The following GRIK4 variants were observed in gnomAD, a reference collection of about 807,000 sequenced individuals.
GRIK4 encodes glutamate receptor ionotropic, kainate 4.
GRIK4 carries 40 observed loss-of-function variants against 104.9 expected under a neutral mutation model. The ratio of observed to expected loss-of-function variants is 0.38; its 90% CI spans 0.30 to 0.50. The LOEUF is 0.50. Among genes scored for constraint, GRIK4 ranks in the 20% least tolerant of loss-of-function variants. GRIK4 has a pLI of 0.93. For missense variants in GRIK4, 1,047 were observed against 1,308.1 expected, an observed-to-expected ratio of 0.80 and a Z score of 3.08; for synonymous variants, 485 against 524.9, an observed-to-expected ratio of 0.92 and a Z score of 1.04.
chr11:120,705,004 T>C (rs1458592750), intron 3 of GRIK4, among the ~76,000 whole-genome samples: 1 of 152,358 alleles, frequency 6.6e-6, no homozygotes, highest in South Asian at 2.1e-4. Context: ...TAATTGGCCA[T>C]AGATGTTTCA....
intron 13 of GRIK4, among the ~76,000 whole-genome samples, chr11:120,922,751 C>T (rs1591287484): frequency 1.3e-5 from 2 of 152,206 alleles, no homozygotes; most frequent in Admixed American, 1.3e-4. Flanking sequence ...GTGTCGGCAG[C>T]TACAGAGGCA....
intron 1 of GRIK4, among the ~76,000 whole-genome samples, chr11:120,532,124 T>C (rs1446230061): frequency 6.6e-6 from 1 of 152,206 alleles, no homozygotes; most frequent in Non-Finnish European, 1.5e-5. Flanking sequence ...CGGGTACCTG[T>C]GGCCACTCAG....
Position 120,952,259 on chromosome 11 carries a change from G to T in GRIK4, c.1591-596G>T, listed in dbSNP as rs947115593. Among the ~76,000 whole-genome samples, 1 of 152,090 alleles carries T rather than the reference G, an allele frequency of 6.6e-6. No individual in the cohort carries two copies. Among genetic ancestry groups the T allele is most frequent in the South Asian group, 2.1e-4 (1 of 4,820 alleles). ...TTTGGGTCCCGGCTCTTCCATTTAC[G>T]CACTGTGGAACCTCGGGCACATCTC... On this transcript the variant is annotated intron_variant, in intron 14 of 20. Coordinates refer to ENST00000527524, the MANE Select transcript of GRIK4 (RefSeq NM_014619.5). This position sits in a 1 kb window ranked among gnomAD's most constrained non-coding sequence, Gnocchi z 5.2.
In GRIK4 at chr11:120,807,309, CT is replaced by C. The variant is rs1474466020; in HGVS notation, c.247+4453del. Among the ~76,000 whole-genome samples the C allele has an allele frequency of 2.3e-3, 352 of 152,292 alleles. 2 individuals are homozygous for C. Among genetic ancestry groups the C allele is most frequent in the African/African-American group, 8.2e-3 (341 of 41,552 alleles). ...CACCACCCTTTACCATTCAAACAACCTGAGGCTCCGTCCCAGCTTGAGGTTT... is the reference window on the plus strand; with the variant it reads ...CACCACCCTTTACCATTCAAACAACCGAGGCTCCGTCCCAGCTTGAGGTTT... On this transcript the variant is annotated intron_variant, in intron 4 of 20. Transcript: ENST00000527524.
At chr11:120,601,613 G>T (rs988443632) in intron 1 of GRIK4, among the ~76,000 whole-genome samples, 2 of 140,880 alleles carry the variant, frequency 1.4e-5, no homozygotes, top group Non-Finnish European at 3.1e-5. Context: ...TAATTGACTG[G>T]TTTTTTTTTG....
In GRIK4 at chr11:120,986,076, G is replaced by A; in HGVS notation, c.2687G>A (p.Gly896Glu). The A allele has an allele frequency of 6.6e-7, 1 of 1,515,322 alleles. No individual in the cohort carries two copies. The highest frequency in any genetic ancestry group is 8.8e-7 in the Non-Finnish European group (1 of 1,136,750). The allele number at this position is 1,515,322 out of a possible 1,614,324, so 93.9% of individuals were successfully genotyped here. A position where few individuals can be genotyped will look rare whatever the true frequency, so the allele number is the denominator to read the frequency against. ...TLSNGKLCGA[G>E]EPDQLAQRLA... Reference sequence around the variant, plus strand: ...AGCAACGGGAAGCTGTGCGGGGCAGGGGAGCCCGACCAGCTCGCGCAGAGA... The same window carrying A: ...AGCAACGGGAAGCTGTGCGGGGCAGAGGAGCCCGACCAGCTCGCGCAGAGA... Residue 896 changes from glycine (G) to glutamate (E), a missense_variant, in exon 21 of 21, where the codon GGG (glycine) becomes GAG (glutamate). Transcript: ENST00000527524.
chr11:120,870,892 G>T (rs374501798), intron 9 of GRIK4: 2 of 152,160 alleles, frequency 1.3e-5, no homozygotes, highest in East Asian at 3.8e-4. Flanking sequence ...GATTACAGGC[G>T]CACACAACCA....
chr11:120,869,084 A>C (rs1269263558), intron 9 of GRIK4: 5 of 152,386 alleles, frequency 3.3e-5, no homozygotes, highest in Non-Finnish European at 7.3e-5. Flanking sequence ...CAGAGGAGAA[A>C]TTCGGTGAGG....
intron 18 of GRIK4, among the ~76,000 whole-genome samples, chr11:120,963,881 G>C (rs960427910): frequency 6.6e-6 from 1 of 152,106 alleles, no homozygotes; most frequent in African/African-American, 2.4e-5. Flanking sequence ...TGATAATCTA[G>C]TTAGGTGCCT....
chr11:120,709,553 A>AGTTTGATAG (rs1477045252), intron 3 of GRIK4, among the ~76,000 whole-genome samples: 1 of 152,214 alleles, frequency 6.6e-6, no homozygotes, highest in Non-Finnish European at 1.5e-5. Context: ...ATAAAAGGTC[A>AGTTTGATAG]GTTTGATAGG....
At chr11:120,943,498 G>A (rs1336653364) in intron 14 of GRIK4, among the ~76,000 whole-genome samples, 1 of 152,058 alleles carries the variant, frequency 6.6e-6, no homozygotes, top group African/African-American at 2.4e-5. Flanking sequence ...GATCTGCTGT[G>A]GCTAAAGGAT....
At chr11:120,790,805 G>A (rs1273840381) in intron 3 of GRIK4, among the ~76,000 whole-genome samples, 3 of 152,158 alleles carry the variant, frequency 2.0e-5, no homozygotes, top group Non-Finnish European at 4.4e-5. Flanking sequence ...AGATCCCTCA[G>A]CAGTCTTTAG....
chr11:120,770,794 C>CT (rs1951926453), intron 3 of GRIK4, among the ~76,000 whole-genome samples: 2 of 152,068 alleles, frequency 1.3e-5, no homozygotes, highest in Non-Finnish European at 2.9e-5. Context: ...GGATTCGTAT[C>CT]CTATAAAGCA....
intron 3 of GRIK4, among the ~76,000 whole-genome samples, chr11:120,709,510 G>T (rs1207749106): frequency 6.6e-6 from 1 of 152,112 alleles, no homozygotes; most frequent in Non-Finnish European, 1.5e-5. Flanking sequence ...CTTCCTGAGG[G>T]ATTCTCTGCA....
chr11:120,606,725 C>T (rs1397653775), intron 1 of GRIK4, among the ~76,000 whole-genome samples: 1 of 152,164 alleles, frequency 6.6e-6, no homozygotes. Context: ...ATGCAGTTCT[C>T]CCACGGAGGT....
chr11:120,744,206 G>A lies in GRIK4; in HGVS notation c.83-58487G>A, dbSNP rs147742406. ...TGGGGCTGGCAGGAACATTAATGAG[G>A]CTGTTGGGTGTCTGTTAAAGCTCGG... On this transcript the variant is annotated intron_variant, in intron 3 of 20. Coordinates refer to ENST00000527524, the MANE Select transcript of GRIK4 (RefSeq NM_014619.5). Among the ~76,000 whole-genome samples, 442 of 152,218 alleles carry A rather than the reference G, an allele frequency of 2.9e-3. 2 individuals carry two copies. The highest frequency in any genetic ancestry group is 4.9e-3 in the Non-Finnish European group (333 of 68,018).
chr11:120,616,831 A>G (rs1431586999), intron 1 of GRIK4, among the ~76,000 whole-genome samples: 1 of 152,212 alleles, frequency 6.6e-6, no homozygotes, highest in Non-Finnish European at 1.5e-5. Context: ...ACAAGCTTAT[A>G]ATACACTACA....
intron 1 of GRIK4, among the ~76,000 whole-genome samples, chr11:120,631,293 G>A (rs1020985527): frequency 7.2e-5 from 11 of 152,206 alleles, no homozygotes; most frequent in Non-Finnish European, 1.5e-4. Context: ...TATTACTTGA[G>A]GATCTTGTCA....
In GRIK4 at chr11:120,513,603, A is replaced by T. The variant is rs1383181013; in HGVS notation, c.-159+1716A>T. 5.9e-5 allele frequency among the ~76,000 whole-genome samples: 9 copies of T among 152,170 alleles called. No homozygotes were observed. ...TCACGACCCTTCGGAGAGTTAATCTAATATGCACACATTACAGTGTCTGGG... is the reference window on the plus strand; with the variant it reads ...TCACGACCCTTCGGAGAGTTAATCTTATATGCACACATTACAGTGTCTGGG... On this transcript the variant is annotated intron_variant, in intron 1 of 20. Coordinates refer to ENST00000527524, the MANE Select transcript of GRIK4 (RefSeq NM_014619.5). This position sits in a 1 kb window ranked among gnomAD's most constrained non-coding sequence, Gnocchi z 4.5.
Sources: gnomAD v4.1 joint callset for allele counts (sites outside exome capture counted in the v4.1 genomes callset) on GRCh38, gnomAD v4.1.1 for gene constraint, Gnocchi (gnomAD v3.1) non-coding constraint, MANE v1.5 for transcripts, NCBI Gene and HGNC (gene_info 2026-07-23, HGNC 2026-07-21) for gene names.